Variants in OXCT1 observed in about 807,000 individuals in gnomAD.
The protein encoded by OXCT1 is 3-oxoacid CoA-transferase 1.
In OXCT1, 27 loss-of-function variants were observed where a neutral mutation model predicts 69.6. The observed-to-expected ratio is 0.39, with a 90% confidence interval of 0.29 to 0.54. The LOEUF (loss-of-function observed/expected upper bound fraction) is 0.54, where lower values mean the gene tolerates loss of function less well. Ranked by LOEUF, OXCT1 falls within the 20% of genes least tolerant of loss-of-function variation. The probability of loss-of-function intolerance (pLI) is 0.72; values close to 1 mark genes in which losing one functional copy is unlikely to be tolerated. For synonymous variants in OXCT1, 202 were observed against 217.8 expected (o/e 0.93, Z 0.64); for missense variants, 437 against 650.2 (o/e 0.67, Z 3.57).
At position 41,759,090 on chromosome 5, in the gene OXCT1, G is replaced by GAA. The variant is rs71608623; in HGVS notation, c.1338+3019_1338+3020dup. ...AAAGAGAGCTTTGTCCAGGGAAAAT[G>GAA]AAAAAAAAAAAAAAAAACCTGAAGC... On this transcript the variant is annotated intron_variant, in intron 14 of 16. Coordinates refer to ENST00000196371, the MANE Select transcript of OXCT1 (RefSeq NM_000436.4). 6.5e-3 allele frequency among the ~76,000 whole-genome samples: 765 copies of GAA among 117,522 alleles called. 8 individuals are homozygous for GAA. The highest frequency in any genetic ancestry group is 0.02 in the African/African-American group (649 of 32,140). The allele number at this position is 117,522 out of a possible 152,430, so 77.1% of individuals were successfully genotyped here. A position where few individuals can be genotyped will look rare whatever the true frequency, so the allele number is the denominator to read the frequency against.
chr5:41,744,776 G>A (rs530177087), intron 15 of OXCT1, among the ~76,000 whole-genome samples: 1 of 152,140 alleles, frequency 6.6e-6, no homozygotes, highest in African/African-American at 2.4e-5. Context: ...TGCAATCCTA[G>A]TCTCTGATAA....
chr5:41,791,478 T>C (rs1293839289), intron 13 of OXCT1, among the ~76,000 whole-genome samples: 2 of 152,192 alleles, frequency 1.3e-5, no homozygotes, highest in Non-Finnish European at 2.9e-5. Context: ...TAACAGGATA[T>C]GTAAAAATAT....
intron 14 of OXCT1, among the ~76,000 whole-genome samples, chr5:41,760,287 A>G (rs552226344): frequency 6.6e-6 from 1 of 152,144 alleles, no homozygotes; most frequent in Non-Finnish European, 1.5e-5. Context: ...TATTTTAATC[A>G]TAAGTACATT....
intron 16 of OXCT1, among the ~76,000 whole-genome samples, chr5:41,733,282 T>A (rs1742726534): frequency 6.6e-6 from 1 of 151,184 alleles, no homozygotes; most frequent in Admixed American, 6.6e-5. Flanking sequence ...GTTTTGCTCT[T>A]GTTGCCCAGG....
At chr5:41,821,569 A>C (rs577868876) in intron 7 of OXCT1, among the ~76,000 whole-genome samples, 21 of 152,212 alleles carry the variant, frequency 1.4e-4, no homozygotes, top group Non-Finnish European at 2.9e-4. Context: ...CATTCTCACC[A>C]GCAATGATTG....
chr5:41,851,471 C>T (rs1446255432), intron 4 of OXCT1, among the ~76,000 whole-genome samples: 1 of 152,152 alleles, frequency 6.6e-6, no homozygotes, highest in African/African-American at 2.4e-5. Context: ...TATATACCCT[C>T]CCTGAATACT....
chr5:41,735,433 C>G (rs956332409), intron 16 of OXCT1, among the ~76,000 whole-genome samples: 7 of 152,044 alleles, frequency 4.6e-5, no homozygotes, highest in African/African-American at 1.7e-4. Flanking sequence ...CAGTGGTTGC[C>G]AAAGGCTGTG....
intron 7 of OXCT1, among the ~76,000 whole-genome samples, chr5:41,808,949 A>G (rs571419644): frequency 1.5e-4 from 23 of 152,240 alleles, no homozygotes; most frequent in African/African-American, 5.5e-4. Context: ...TTTATTATTC[A>G]TGAAAACACT....
At chr5:41,775,507 C>T (rs1243389058) in intron 13 of OXCT1, among the ~76,000 whole-genome samples, 1 of 152,126 alleles carries the variant, frequency 6.6e-6, no homozygotes, top group Non-Finnish European at 1.5e-5. Flanking sequence ...CTCCCAGAGC[C>T]CTGATGTGTT....
chr5:41,782,623 T>C (rs886852356), intron 13 of OXCT1, among the ~76,000 whole-genome samples: 14 of 152,136 alleles, frequency 9.2e-5, no homozygotes, highest in African/African-American at 3.4e-4. Flanking sequence ...TATGCTTAAG[T>C]TCCTTCCAGA....
intron 4 of OXCT1, among the ~76,000 whole-genome samples, chr5:41,851,143 G>A (rs954505730): frequency 6.6e-6 from 1 of 152,118 alleles, no homozygotes; most frequent in Non-Finnish European, 1.5e-5. Flanking sequence ...AGAAAAAAAA[G>A]AATTGGTTCA....
At chr5:41,854,757 G>A (rs1037135345) in intron 3 of OXCT1, among the ~76,000 whole-genome samples, 5 of 151,840 alleles carry the variant, frequency 3.3e-5, no homozygotes, top group African/African-American at 1.2e-4. Context: ...CAAACATGAA[G>A]GGATGGCTAA....
intron 7 of OXCT1, among the ~76,000 whole-genome samples, chr5:41,831,078 G>A (rs904512806): frequency 6.6e-6 from 1 of 152,176 alleles, no homozygotes; most frequent in African/African-American, 2.4e-5. Context: ...TTAACACAAA[G>A]CTCTCCAAAC....
intron 15 of OXCT1, among the ~76,000 whole-genome samples, chr5:41,745,179 A>G (rs1743406205): frequency 6.6e-6 from 1 of 152,228 alleles, no homozygotes; most frequent in Non-Finnish European, 1.5e-5. Flanking sequence ...ATGTAAAAAA[A>G]AAACAAATTA....
chr5:41,750,027 C>CT (rs1278005439), intron 14 of OXCT1, among the ~76,000 whole-genome samples: 1 of 151,392 alleles, frequency 6.6e-6, no homozygotes, highest in East Asian at 1.9e-4. Context: ...TTAAAAAATA[C>CT]TTTATCTGTT....
At chr5:41,855,031 C>T (rs909318424) in intron 3 of OXCT1, among the ~76,000 whole-genome samples, 1 of 152,110 alleles carries the variant, frequency 6.6e-6, no homozygotes, top group Non-Finnish European at 1.5e-5. Flanking sequence ...CTCCCAAATG[C>T]TCATCAGCAA....
At chr5:41,801,267 T>C (rs1561087239) in intron 10 of OXCT1, among the ~76,000 whole-genome samples, 197 bp from the exon 11 acceptor site, 1 of 152,164 alleles carries the variant, frequency 6.6e-6, no homozygotes, top group Admixed American at 6.6e-5. Context: ...AAAGTTGTGA[T>C]TGGGCAAATG....
intron 3 of OXCT1, among the ~76,000 whole-genome samples, chr5:41,856,768 CAT>C (rs1410778814): frequency 7.2e-5 from 11 of 152,178 alleles, no homozygotes; most frequent in African/African-American, 2.4e-4. Flanking sequence ...GCCTAAGTAA[CAT>C]AAGCATTTTC....
intron 3 of OXCT1, 61 bp from the exon 4 acceptor site, chr5:41,853,615 T>TAA (rs1444325202): frequency 6.5e-7 from 1 of 1,529,334 alleles, no homozygotes; most frequent in East Asian, 2.3e-5. Flanking sequence ...TTACATCTTT[T>TAA]TAAAGAGATA....
Sources: allele counts gnomAD v4.1 joint callset (sites outside exome capture counted in the v4.1 genomes callset), GRCh38; gene constraint gnomAD v4.1.1; transcripts MANE v1.5; gene names NCBI Gene and HGNC (gene_info 2026-07-23, HGNC 2026-07-21).